Variants in APMAP observed in about 807,000 individuals in gnomAD.
The protein encoded by APMAP is adipocyte plasma membrane-associated protein.
APMAP carries 33 observed loss-of-function variants against 43.6 expected under a neutral mutation model. The ratio of observed to expected loss-of-function variants is 0.76; its 90% CI spans 0.57 to 1.01. The LOEUF (loss-of-function observed/expected upper bound fraction) is 1.01. APMAP is among the 50% of genes least tolerant of loss of function. The pLI is 0.00. For missense variants in APMAP, 498 were observed against 540.7 expected (o/e 0.92, Z 0.78); for synonymous variants, 224 against 216.7 (o/e 1.03, Z -0.30).
intron 1 of APMAP, among the ~76,000 whole-genome samples, chr20:24,991,697 C>A (rs7268095): frequency 5.3e-5 from 8 of 152,002 alleles, no homozygotes; most frequent in Non-Finnish European, 8.8e-5. Context: ...GTCAATCAGT[C>A]CCACAACTTC....
chr20:24,964,197 G>T (rs918975618), intron 8 of APMAP, among the ~76,000 whole-genome samples, 175 bp from the exon 9 acceptor site: 5 of 152,152 alleles, frequency 3.3e-5, no homozygotes, highest in African/African-American at 1.2e-4. Flanking sequence ...CAGCCCAGGG[G>T]CCCCAAAGCA....
chr20:24,980,053 T>C lies in APMAP; in HGVS notation c.213-1171A>G, dbSNP rs2122515129. On this transcript the variant is annotated intron_variant, in intron 2 of 8. Coordinates refer to ENST00000217456, the MANE Select transcript of APMAP (RefSeq NM_020531.3). ...CCAGCTTCTCATGCACTGTGTGATCTGCTTCTGTTATGTTTATGGTCTGTT... is the reference window on the plus strand; with the variant it reads ...CCAGCTTCTCATGCACTGTGTGATCCGCTTCTGTTATGTTTATGGTCTGTT... Among the ~76,000 whole-genome samples, 5 of 152,366 alleles carry C rather than the reference T, an allele frequency of 3.3e-5. No homozygotes were observed. In the South Asian group the frequency reaches 1.0e-3, roughly 32 times the overall value.
chr20:24,991,227 C>T (rs138670162), intron 1 of APMAP, among the ~76,000 whole-genome samples: 210 of 152,320 alleles, frequency 1.4e-3, no homozygotes, highest in African/African-American at 4.8e-3. Flanking sequence ...GGTAAAAATG[C>T]CTTGTTTTCA....
At position 24,970,358 on chromosome 20, in the gene APMAP, C is replaced by G; in HGVS notation, c.552G>C (p.Leu184=). The G allele has an allele frequency of 6.2e-7, 1 of 1,610,170 alleles. No individual in the cohort carries two copies. ...CAATGGGTGTCTCGGAGGACAGCAG[C>G]AGTTTCACTTCACCTGAAGTTTAAA... The part of the protein sequence containing the change: ...EVNPWKREVK[L]LLSSETPIEG... The change falls in exon 6 of 9, where the codon CTG becomes CTC. Residue 184 remains leucine, a synonymous_variant. Transcript: ENST00000217456.
chr20:24,974,767 G>A (rs1260837014), intron 3 of APMAP, among the ~76,000 whole-genome samples: 1 of 152,122 alleles, frequency 6.6e-6, no homozygotes, highest in Non-Finnish European at 1.5e-5. Context: ...ATCACACAAT[G>A]ACAAAGGGGT....
rs112430351 is a variant in APMAP at position 24,976,762 on chromosome 20, G to A, written c.328+2005C>T. 6.1e-3 allele frequency among the ~76,000 whole-genome samples: 932 copies of A among 152,312 alleles called. 15 individuals carry two copies. The highest frequency in any genetic ancestry group is 0.022 in the African/African-American group (908 of 41,554). On this transcript the variant is annotated intron_variant, in intron 3 of 8. Coordinates refer to ENST00000217456, the MANE Select transcript of APMAP (RefSeq NM_020531.3). ...GTTTATACCAGCCTTATTCATAACT[G>A]CCAAAACTTAGCAGCAACCAAGATG...
chr20:24,975,602 C>T (rs530229905), intron 3 of APMAP, among the ~76,000 whole-genome samples: 2 of 152,254 alleles, frequency 1.3e-5, no homozygotes, highest in South Asian at 2.1e-4. Context: ...TTTTCCCAAC[C>T]TTAATCTATA....
intron 7 of APMAP, among the ~76,000 whole-genome samples, 174 bp downstream of exon 7, chr20:24,969,352 G>A (rs985844317): frequency 1.1e-4 from 16 of 152,144 alleles, no homozygotes; most frequent in Non-Finnish European, 1.3e-4. Context: ...ACACTCTTCC[G>A]GACTGCGACT....
chr20:24,981,489 AG>A (rs938860419), intron 2 of APMAP, among the ~76,000 whole-genome samples: 76 of 152,332 alleles, frequency 5.0e-4, no homozygotes, highest in Admixed American at 3.9e-4. Flanking sequence ...TCCCTAACAC[AG>A]GAAGCCAGGG....
At position 24,970,177 on chromosome 20, in the gene APMAP, G is replaced by C; in HGVS notation, c.713+20C>G. On this transcript the variant is annotated intron_variant, in intron 6 of 8. Coordinates refer to ENST00000217456, the MANE Select transcript of APMAP (RefSeq NM_020531.3). ...TGGCTGGTGAACTCAACAAATGGGAGACCTGGAGCAAGGCCTCACCGCCCG... is the reference window on the plus strand; with the variant it reads ...TGGCTGGTGAACTCAACAAATGGGACACCTGGAGCAAGGCCTCACCGCCCG... 1 of 1,613,592 alleles carries C rather than the reference G, an allele frequency of 6.2e-7. No homozygotes were observed. Among genetic ancestry groups the C allele is most frequent in the Non-Finnish European group, 8.5e-7 (1 of 1,179,648 alleles).
At position 24,963,549 on chromosome 20, in the gene APMAP, T is replaced by C. The variant is rs1176677523; in HGVS notation, c.*264A>G. ...GAATGACTGTACTTAGAAAGTTTTG[T>C]TTTGTTTAAGAGAAAATGGCTTTAC... On this transcript the variant is annotated 3_prime_UTR_variant, in exon 9 of 9. Coordinates refer to ENST00000217456, the MANE Select transcript of APMAP (RefSeq NM_020531.3). The C allele has an allele frequency of 6.1e-6, 3 of 492,850 alleles. No individual in the cohort carries two copies. The highest frequency in any genetic ancestry group is 3.9e-5 in the African/African-American group (2 of 51,724). 30.5% of individuals were successfully genotyped at this position (492,850 alleles called of 1,614,324 possible).
At chr20:24,969,327 C>T (rs554895107) in intron 7 of APMAP, among the ~76,000 whole-genome samples, 199 bp downstream of exon 7, 48 of 152,256 alleles carry the variant, frequency 3.2e-4, no homozygotes, top group African/African-American at 1.2e-3. Context: ...CCGGGCTGCA[C>T]CAGTCAGCCT....
chr20:24,967,484 C>A (rs555754693), intron 8 of APMAP, among the ~76,000 whole-genome samples: 3 of 152,340 alleles, frequency 2.0e-5, no homozygotes, highest in Non-Finnish European at 2.9e-5. Flanking sequence ...TACGTCCTCG[C>A]ACCTACATGT....
At chr20:24,973,524 C>G in intron 4 of APMAP, 121 bp downstream of exon 4, 1 of 894,592 alleles carries the variant, frequency 1.1e-6, no homozygotes, top group Non-Finnish European at 1.6e-6. Flanking sequence ...GTTCCATCTA[C>G]TAGATGGTCA....
rs1555845623 is a variant in APMAP, at chr20:24,978,747, C to CG, written c.328+19_328+20insC. 140 of 1,312,744 alleles carry CG rather than the reference C, an allele frequency of 1.1e-4. No individual in the cohort carries two copies. In the South Asian group the frequency reaches 1.6e-3, roughly 15 times the overall value. The allele number at this position is 1,312,744 out of a possible 1,614,324, so 81.3% of individuals were successfully genotyped here. On this transcript the variant is annotated intron_variant, in intron 3 of 8. Transcript: ENST00000217456. ...ACAGACAGCCTGGAAGGCTCCCCCC[C>CG]CACCCAAGCTTAGACTTACCCCCAA...
intron 6 of APMAP, among the ~76,000 whole-genome samples, chr20:24,969,862 C>A (rs1243174196): frequency 1.3e-5 from 2 of 152,224 alleles, no homozygotes; most frequent in African/African-American, 4.8e-5. Flanking sequence ...CCAGGGAACC[C>A]CAAGGTCAGT....
chr20:24,973,501 G>A (rs570204869), intron 4 of APMAP, 144 bp downstream of exon 4: 21 of 740,734 alleles, frequency 2.8e-5, no homozygotes, highest in South Asian at 1.2e-4. Context: ...TGAAGAGCTC[G>A]TAGTGACGTC....
At chr20:24,969,322 C>T (rs1479135009) in intron 7 of APMAP, among the ~76,000 whole-genome samples, 2 of 152,172 alleles carry the variant, frequency 1.3e-5, no homozygotes, top group East Asian at 3.9e-4. Context: ...GGGGCCCGGG[C>T]TGCACCAGTC....
chr20:24,976,511 A>G (rs1257071857), intron 3 of APMAP, among the ~76,000 whole-genome samples: 3 of 152,224 alleles, frequency 2.0e-5, no homozygotes, highest in African/African-American at 4.8e-5. Flanking sequence ...ACCTATTAAA[A>G]GGGCCAAAAT....
Sources: gnomAD v4.1 joint callset for allele counts (sites outside exome capture counted in the v4.1 genomes callset) on GRCh38, gnomAD v4.1.1 for gene constraint, MANE v1.5 for transcripts, NCBI Gene and HGNC (gene_info 2026-07-23, HGNC 2026-07-21) for gene names.